Variants in PCDH15 observed in about 807,000 individuals in gnomAD.
PCDH15 encodes the protein protocadherin-15.
Under a neutral mutation model 178.5 loss-of-function variants are expected in PCDH15, and 129 were observed. The observed-to-expected ratio is 0.72, with a 90% CI of 0.63 to 0.84. PCDH15 has a LOEUF of 0.84. Among genes scored for constraint, PCDH15 ranks in the 40% least tolerant of loss-of-function variants. The probability of loss-of-function intolerance (pLI) is 0.00; values close to 1 mark genes in which losing one functional copy is unlikely to be tolerated. For synonymous variants in PCDH15, 800 were observed against 732.0 expected (o/e 1.09, Z -1.50); for missense variants, 2,230 against 2,099.9 (o/e 1.06, Z -1.21).
chr10:55,478,937 T>TAA (rs36113145), intron 2 of PCDH15, among the ~76,000 whole-genome samples: 5 of 137,512 alleles, frequency 3.6e-5, no homozygotes, highest in Non-Finnish European at 4.8e-5. Context: ...ATCACAAAGA[T>TAA]AAAAAAAAAA....
intron 1 of PCDH15, among the ~76,000 whole-genome samples, chr10:55,282,803 T>C (rs189994727): frequency 1.6e-3 from 245 of 152,254 alleles, no homozygotes; most frequent in African/African-American, 5.6e-3. Flanking sequence ...CATCAATAGA[T>C]TTGAAATCAC....
At chr10:54,826,555 A>T (rs1953135400) in intron 3 of PCDH15, among the ~76,000 whole-genome samples, 1 of 151,874 alleles carries the variant, frequency 6.6e-6, no homozygotes, top group Non-Finnish European at 1.5e-5. Context: ...GTATATGTAT[A>T]TATATGTATG....
chr10:55,032,986 C>G (rs1051497232), intron 2 of PCDH15, among the ~76,000 whole-genome samples: 3 of 152,124 alleles, frequency 2.0e-5, no homozygotes, highest in African/African-American at 7.2e-5. Flanking sequence ...TGCCTGAAAT[C>G]AATGTTCCAG....
chr10:54,108,521 A>C (rs1289397797), intron 15 of PCDH15, among the ~76,000 whole-genome samples: 1 of 152,196 alleles, frequency 6.6e-6, no homozygotes, highest in Non-Finnish European at 1.5e-5. Flanking sequence ...CACAGGCTAA[A>C]GGGCTCTGGG....
At chr10:55,584,387 G>A (rs543601311) in intron 2 of PCDH15, among the ~76,000 whole-genome samples, 29 of 151,170 alleles carry the variant, frequency 1.9e-4, no homozygotes, top group African/African-American at 5.8e-4. Context: ...GGCCAGGCAC[G>A]GTGGCTTAAG....
chr10:54,312,702 T>G (rs1454269071), intron 8 of PCDH15, among the ~76,000 whole-genome samples: 2 of 152,066 alleles, frequency 1.3e-5, no homozygotes, highest in Non-Finnish European at 2.9e-5. Flanking sequence ...GCCATCTAAG[T>G]TAATCATTAT....
At chr10:54,894,130 C>G (rs1023917873) in intron 3 of PCDH15, among the ~76,000 whole-genome samples, 3 of 151,916 alleles carry the variant, frequency 2.0e-5, no homozygotes, top group Non-Finnish European at 2.9e-5. Context: ...GTCTCTTGTC[C>G]CATAGAAACA....
Position 54,734,712 on chromosome 10 carries a change from T to C in PCDH15, c.-29+66213A>G, listed in dbSNP as rs376980297. ...TGGTAATCCATACAACAGAGTACTA[T>C]TGAGTGGTAAAAAAAGAACGAACCA... On this transcript the variant is annotated intron_variant, in intron 1 of 37. Coordinates refer to ENST00000644397, the MANE Select transcript of PCDH15 (RefSeq NM_001384140.1). Among the ~76,000 whole-genome samples the C allele has an allele frequency of 1.4e-4, 22 of 152,042 alleles. No individual in the cohort carries two copies. The East Asian group carries it at 3.7e-3, about 26-fold the overall frequency.
chr10:54,919,468 C>T (rs1392684358), intron 2 of PCDH15, among the ~76,000 whole-genome samples: 3 of 152,228 alleles, frequency 2.0e-5, no homozygotes, highest in African/African-American at 4.8e-5. Flanking sequence ...AGCCATAGTG[C>T]CTTTAAGATA....
chr10:54,761,105 G>A (rs748103755), intron 1 of PCDH15, among the ~76,000 whole-genome samples: 4 of 151,918 alleles, frequency 2.6e-5, no homozygotes, highest in Non-Finnish European at 5.9e-5. Context: ...CTTCCTCTAC[G>A]ATGGCTTACT....
chr10:55,315,543 T>A (rs1018328061), intron 1 of PCDH15, among the ~76,000 whole-genome samples: 3 of 152,194 alleles, frequency 2.0e-5, no homozygotes, highest in Non-Finnish European at 4.4e-5. Context: ...CACAACTGTG[T>A]TAAATTATTT....
At chr10:54,846,185 T>C (rs540267022) in intron 3 of PCDH15, among the ~76,000 whole-genome samples, 36 of 152,260 alleles carry the variant, frequency 2.4e-4, no homozygotes, top group Middle Eastern at 3.4e-3. Context: ...CCTGGACATA[T>C]TGGAAAATAA....
chr10:54,004,803 T>G (rs1006755032), intron 20 of PCDH15, among the ~76,000 whole-genome samples: 2 of 151,036 alleles, frequency 1.3e-5, no homozygotes, highest in African/African-American at 4.9e-5. Context: ...AGAAAAAAAA[T>G]TCTAAACTGT....
chr10:54,264,596 A>G (rs990777357), intron 8 of PCDH15, among the ~76,000 whole-genome samples: 1 of 152,226 alleles, frequency 6.6e-6, no homozygotes, highest in African/African-American at 2.4e-5. Context: ...TGAAAAATTC[A>G]CTAAATAAAT....
chr10:54,294,687 A>G (rs530800537), intron 8 of PCDH15, among the ~76,000 whole-genome samples: 7 of 143,942 alleles, frequency 4.9e-5, no homozygotes, highest in Non-Finnish European at 7.7e-5. Flanking sequence ...ACACACACAG[A>G]CACACACATG....
At chr10:53,843,988 A>G (rs1237685137) in intron 28 of PCDH15, among the ~76,000 whole-genome samples, 2 of 152,108 alleles carry the variant, frequency 1.3e-5, no homozygotes, top group South Asian at 4.1e-4. Flanking sequence ...AAAATTGGTA[A>G]AAGTGTTCAG....
At chr10:54,718,634 G>C (rs1467318411) in intron 1 of PCDH15, among the ~76,000 whole-genome samples, 1 of 146,716 alleles carries the variant, frequency 6.8e-6, no homozygotes, top group Non-Finnish European at 1.5e-5. Context: ...AAACAACTAT[G>C]AAAGTATGAA....
chr10:55,475,959 A>C (rs1400648392), intron 2 of PCDH15, among the ~76,000 whole-genome samples: 1 of 152,088 alleles, frequency 6.6e-6, no homozygotes. Flanking sequence ...CAGTTGCACT[A>C]TATCTGAATA....
intron 32 of PCDH15, among the ~76,000 whole-genome samples, chr10:53,826,772 T>TAATC (rs1300682759): frequency 6.6e-6 from 1 of 152,160 alleles, no homozygotes; most frequent in Non-Finnish European, 1.5e-5. Flanking sequence ...AAATATTCGG[T>TAATC]AATCACCGCA....
Sources: gnomAD v4.1 joint callset for allele counts (sites outside exome capture counted in the v4.1 genomes callset) on GRCh38, gnomAD v4.1.1 for gene constraint, MANE v1.5 for transcripts, NCBI Gene and HGNC (gene_info 2026-07-23, HGNC 2026-07-21) for gene names.